Variants in CR1 observed in about 807,000 individuals in gnomAD.
CR1 encodes the protein complement C3b/C4b receptor 1 (Knops blood group).
A neutral mutation model predicts 187.3 loss-of-function variants in CR1; 116 were observed. That is an observed-to-expected ratio of 0.62 (90% CI 0.53 to 0.72). The LOEUF (loss-of-function observed/expected upper bound fraction) is 0.72, where lower values mean the gene tolerates loss of function less well. Among genes scored for constraint, CR1 ranks in the 30% least tolerant of loss-of-function variants. The pLI, the probability that CR1 is intolerant of heterozygous loss-of-function variation, is 0.00. For missense variants in CR1, 1,731 were observed against 2,110.7 expected, an observed-to-expected ratio of 0.82 and a Z score of 3.52; for synonymous variants, 576 against 747.1, an observed-to-expected ratio of 0.77 and a Z score of 3.73.
rs748505080 is a variant in CR1, at chr1:207,584,693, A to G, written c.5347A>G (p.Thr1783Ala). The change falls in exon 33 of 47, where the codon ACA becomes GCA. Residue 1783 changes from threonine (T) to alanine (A), a missense_variant. Coordinates refer to ENST00000367049, the MANE Select transcript of CR1 (RefSeq NM_000651.6). ...NPPAILNGRH[T>A]GTPSGDIPYG... is the part of the protein sequence containing the mutation. The stretch of plus-strand genomic sequence containing the variant: ...TCCAGCTATCCTTAATGGGAGACAC[A>G]CAGGAACTCCCTCTGGAGATATTCC... The G allele has an allele frequency of 8.7e-6, 14 of 1,613,586 alleles. No homozygotes were observed. In the South Asian group the frequency reaches 1.4e-4, roughly 16 times the overall value.
intron 35 of CR1, among the ~76,000 whole-genome samples, chr1:207,600,190 C>A (rs1661565465): frequency 6.6e-6 from 1 of 152,174 alleles, no homozygotes; most frequent in Non-Finnish European, 1.5e-5. Context: ...CATAGGGTGA[C>A]AATCTCCGGT....
intron 46 of CR1, among the ~76,000 whole-genome samples, chr1:207,635,424 G>T (rs1440709415): frequency 3.9e-5 from 6 of 152,156 alleles, no homozygotes; most frequent in Admixed American, 6.5e-5. Context: ...CTGTGCTTTA[G>T]ATATGTATAC....
chr1:207,515,190 TATATAC>T (rs1207853339), intron 4 of CR1, among the ~76,000 whole-genome samples: 31 of 131,550 alleles, frequency 2.4e-4, no homozygotes, highest in East Asian at 9.8e-4. Flanking sequence ...TATATACGTA[TATATAC>T]ATATACATAT....
intron 31 of CR1, among the ~76,000 whole-genome samples, chr1:207,581,257 TGTAG>T (rs1167712924): frequency 6.6e-6 from 1 of 151,064 alleles, no homozygotes; most frequent in East Asian, 1.9e-4. Context: ...GACACGTATA[TGTAG>T]ACGTATACAT....
chr1:207,506,845 T>C (rs1479788617), intron 3 of CR1, 32 bp downstream of exon 3: 1 of 1,559,876 alleles, frequency 6.4e-7, no homozygotes, highest in Admixed American at 1.7e-5. Flanking sequence ...CAACATCTCT[T>C]GGTTCAAGAG....
chr1:207,622,377 C>T (rs1270163323), intron 44 of CR1, among the ~76,000 whole-genome samples: 2 of 152,156 alleles, frequency 1.3e-5, no homozygotes, highest in African/African-American at 4.8e-5. Context: ...AAATAGAAAG[C>T]CATAAGACCA....
At chr1:207,603,146 C>T (rs1571583237) in intron 35 of CR1, among the ~76,000 whole-genome samples, 1 of 151,820 alleles carries the variant, frequency 6.6e-6, no homozygotes, top group Admixed American at 6.6e-5. Context: ...ATGAGACCCA[C>T]CAACAGAATA....
chr1:207,607,145 G>A (rs1003003081), intron 35 of CR1, 106 bp from the exon 36 acceptor site: 3 of 838,116 alleles, frequency 3.6e-6, no homozygotes, highest in African/African-American at 3.3e-5. Context: ...CTGCCATGGT[G>A]TAATCTGTCC....
Position 207,607,355 on chromosome 1 carries a change from C to G in CR1, c.5896+19C>G. ...TGTGAGAGTAAGTTGAAATACTTTT[C>G]TCCACAAATTCCTCTGTGTGATCCT... On this transcript the variant is annotated intron_variant, in intron 36 of 46. Transcript: ENST00000367049. 1 of 1,574,346 alleles carries G rather than the reference C, an allele frequency of 6.4e-7. No homozygotes were observed. Among genetic ancestry groups the G allele is most frequent in the South Asian group, 1.1e-5 (1 of 90,188 alleles).
intron 33 of CR1, among the ~76,000 whole-genome samples, chr1:207,585,544 A>C (rs2102350446): frequency 6.6e-6 from 1 of 152,316 alleles, no homozygotes; most frequent in African/African-American, 2.4e-5. Flanking sequence ...CCTTCAGGGC[A>C]AACATTAGGC....
chr1:207,623,073 G>A lies in CR1; in HGVS notation c.7352+5G>A, dbSNP rs1662361743. On this transcript the variant is annotated splice_donor_5th_base_variant and intron_variant, in intron 45 of 46. Coordinates refer to ENST00000367049, the MANE Select transcript of CR1 (RefSeq NM_000651.6). Reference sequence around the variant, plus strand: ...AATTCTAAAGCACAGAAAAGGGTAAGTATAGCCATATTATCCCAAGAAATG... The same window carrying A: ...AATTCTAAAGCACAGAAAAGGGTAAATATAGCCATATTATCCCAAGAAATG... 6.4e-7 allele frequency: 1 copy of A among 1,558,860 alleles called. No homozygotes were observed. Among genetic ancestry groups the A allele is most frequent in the Non-Finnish European group, 8.7e-7 (1 of 1,143,692 alleles).
chr1:207,521,729 G>A (rs1206275115), intron 4 of CR1, among the ~76,000 whole-genome samples: 1 of 142,784 alleles, frequency 7.0e-6, no homozygotes, highest in African/African-American at 2.6e-5. Flanking sequence ...ACCTTCACAG[G>A]CTCAAGCAAT....
rs747606332 is a variant in CR1 at position 207,580,384 on chromosome 1, G to T, written c.5081G>T (p.Gly1694Val). ...GAASLHCTPQ[G>V]DWSPEAPRCA... ...GCGTCTCTGCACTGCACACCCCAGG[G>T]AGACTGGAGCCCTGAAGCCCCGAGA... The change falls in exon 30 of 47, where the codon GGA (glycine) becomes GTA (valine). Residue 1694 changes from glycine (G) to valine (V), a missense_variant. Around this residue, in one of 5 missense-constraint regions of CR1, gnomAD observed 1,312 missense variants for 1,379.6 expected, o/e 0.95. Coordinates refer to ENST00000367049, the MANE Select transcript of CR1 (RefSeq NM_000651.6). 1 of 1,613,898 alleles carries T rather than the reference G, an allele frequency of 6.2e-7. No homozygotes were observed. Among genetic ancestry groups the T allele is most frequent in the Non-Finnish European group, 8.5e-7 (1 of 1,179,852 alleles).
At chr1:207,599,934 T>A (rs1167192448) in intron 35 of CR1, among the ~76,000 whole-genome samples, 1 of 152,204 alleles carries the variant, frequency 6.6e-6, no homozygotes, top group Admixed American at 6.5e-5. Flanking sequence ...CTTAAGCATA[T>A]AACTAAGGAG....
At chr1:207,578,681 T>C (rs918009534) in intron 29 of CR1, among the ~76,000 whole-genome samples, 1 of 152,228 alleles carries the variant, frequency 6.6e-6, no homozygotes, top group Non-Finnish European at 1.5e-5. Context: ...CACCCAGGAT[T>C]TTAAAATGCA....
chr1:207,627,868 G>T (rs1228163530), intron 45 of CR1, among the ~76,000 whole-genome samples: 3 of 152,164 alleles, frequency 2.0e-5, no homozygotes, highest in African/African-American at 7.2e-5. Flanking sequence ...CTAGTTAATA[G>T]ACTTCAATCT....
rs1425320271 is a variant in CR1, at chr1:207,630,449, C to G, written c.7353-68C>G. 4 of 1,034,202 alleles carry G rather than the reference C, an allele frequency of 3.9e-6. No individual in the cohort carries two copies. In the East Asian group the frequency reaches 1.1e-4, roughly 29 times the overall value. 64.1% of individuals were successfully genotyped at this position (1,034,202 alleles called of 1,614,324 possible). On this transcript the variant is annotated intron_variant, in intron 45 of 46. Coordinates refer to ENST00000367049, the MANE Select transcript of CR1 (RefSeq NM_000651.6). ...ACCTTAAATTTCAAAATGCAAATTACTAATTTCTTTCAAAACAGATACTTA... is the reference window on the plus strand; with the variant it reads ...ACCTTAAATTTCAAAATGCAAATTAGTAATTTCTTTCAAAACAGATACTTA...
intron 5 of CR1, among the ~76,000 whole-genome samples, chr1:207,525,630 T>C (rs1005538463): frequency 1.3e-5 from 2 of 152,042 alleles, no homozygotes; most frequent in African/African-American, 4.8e-5. Flanking sequence ...ATGCCTCCAA[T>C]TGGCAGAACC....
chr1:207,612,024 CTTTG>C lies in CR1; in HGVS notation c.6563_6566del (p.Val2188AlafsTer7). 2 of 1,613,938 alleles carry C rather than the reference CTTTG, an allele frequency of 1.2e-6. No individual in the cohort carries two copies. Among genetic ancestry groups the C allele is most frequent in the Non-Finnish European group, 1.7e-6 (2 of 1,179,878 alleles). On this transcript the variant is annotated frameshift_variant, in exon 39 of 47. Transcript: ENST00000367049. LOFTEE classifies it high-confidence loss of function. ...ATCTCCAGCTTGGGGCAAAGGTGTCCTTTGTTTGCGATGAAGGGTGAGTGTGACC... is the reference window on the plus strand; with the variant it reads ...ATCTCCAGCTTGGGGCAAAGGTGTCCTTTGCGATGAAGGGTGAGTGTGACC...
Sources: allele counts gnomAD v4.1 joint callset (sites outside exome capture counted in the v4.1 genomes callset), GRCh38; gene constraint gnomAD v4.1.1; regional missense constraint gnomAD v4.1.1; transcripts MANE v1.5; gene names NCBI Gene and HGNC (gene_info 2026-07-23, HGNC 2026-07-21).